TCF4: variants seen among roughly 807,000 people sequenced by gnomAD.
TCF4 encodes the protein transcription factor 4, also known as SL3-3 enhancer factor 2.
Under a neutral mutation model 82.1 loss-of-function variants are expected in TCF4, and 3 were observed. The observed-to-expected ratio is 0.04, with a 90% CI of 0.02 to 0.09. The LOEUF is 0.09. Ranked by LOEUF, TCF4 falls within the 10% of genes least tolerant of loss-of-function variation. The pLI is 1.00. For synonymous variants in TCF4, 276 were observed against 309.6 expected (o/e 0.89, Z 1.14); for missense variants, 518 against 852.7 (o/e 0.61, Z 4.89).
At chr18:55,245,897 C>T (rs964479711) in intron 15 of TCF4, among the ~76,000 whole-genome samples, 14 of 152,272 alleles carry the variant, frequency 9.2e-5, no homozygotes, top group African/African-American at 3.1e-4. Context: ...TTCTTTTACA[C>T]GTTTATGCAT....
chr18:55,357,508 T>C (rs2145050533), intron 6 of TCF4, among the ~76,000 whole-genome samples: 1 of 152,292 alleles, frequency 6.6e-6, no homozygotes, highest in African/African-American at 2.4e-5. Flanking sequence ...ATAGAACAAT[T>C]TGAATATGAC....
intron 6 of TCF4, among the ~76,000 whole-genome samples, chr18:55,391,954 T>C (rs1346370413): frequency 1.0e-5 from 1 of 96,864 alleles, no homozygotes; most frequent in Non-Finnish European, 2.0e-5. Context: ...AAAAAAAAAA[T>C]CTTTTTTTTT....
At chr18:55,563,411 T>C (rs1568408373) in intron 3 of TCF4, among the ~76,000 whole-genome samples, 1 of 151,948 alleles carries the variant, frequency 6.6e-6, no homozygotes, top group African/African-American at 2.4e-5. Flanking sequence ...CTCAGAAAAA[T>C]AAAAAATTAG....
intron 3 of TCF4, among the ~76,000 whole-genome samples, chr18:55,504,806 G>A (rs1482235776): frequency 1.3e-5 from 2 of 151,990 alleles, no homozygotes; most frequent in African/African-American, 2.4e-5. Context: ...AAAACCAATC[G>A]AAGTATTAAA....
At chr18:55,278,356 A>G (rs1251552054) in intron 9 of TCF4, among the ~76,000 whole-genome samples, 2 of 152,108 alleles carry the variant, frequency 1.3e-5, no homozygotes, top group Admixed American at 6.5e-5. Flanking sequence ...AAGAGTTAAC[A>G]TTTTGCACAC....
In TCF4 at chr18:55,260,542, GAGAA is replaced by G. The variant is rs547460094; in HGVS notation, c.991-519_991-516del. On this transcript the variant is annotated intron_variant, in intron 12 of 19. Transcript: ENST00000354452. ...AGCCAACTGAAGAGACAAAATCTTAGAGAAAGAAATCTCCACTTACATTTATTTA... is the reference window on the plus strand; with the variant it reads ...AGCCAACTGAAGAGACAAAATCTTAGAGAAATCTCCACTTACATTTATTTA... Among the ~76,000 whole-genome samples, 186 of 152,242 alleles carry G rather than the reference GAGAA, an allele frequency of 1.2e-3. No individual in the cohort carries two copies. The Middle Eastern group carries it at 0.024, about 19-fold the overall frequency.
chr18:55,349,554 A>G (rs1256258161), intron 8 of TCF4, among the ~76,000 whole-genome samples: 2 of 152,140 alleles, frequency 1.3e-5, no homozygotes, highest in Non-Finnish European at 2.9e-5. Context: ...GGAAGAATGA[A>G]AAAAAGGAGG....
At chr18:55,529,611 C>G (rs1459637896) in intron 3 of TCF4, among the ~76,000 whole-genome samples, 1 of 152,086 alleles carries the variant, frequency 6.6e-6, no homozygotes, top group Non-Finnish European at 1.5e-5. Context: ...GTTTTCAAGG[C>G]AATCTTACCT....
At chr18:55,417,882 G>A (rs565653167) in intron 5 of TCF4, among the ~76,000 whole-genome samples, 187 of 151,758 alleles carry the variant, frequency 1.2e-3, no homozygotes, top group African/African-American at 3.8e-3. Flanking sequence ...AAGAATTCTC[G>A]GGGGAGAACT....
At chr18:55,629,844 A>G (rs1213907508) in intron 2 of TCF4, among the ~76,000 whole-genome samples, 1 of 152,204 alleles carries the variant, frequency 6.6e-6, no homozygotes, top group Non-Finnish European at 1.5e-5. Flanking sequence ...TCTGGTTGCT[A>G]TAATCTTGGA....
chr18:55,310,476 C>G (rs913157654), intron 8 of TCF4, among the ~76,000 whole-genome samples: 8 of 152,180 alleles, frequency 5.3e-5, no homozygotes, highest in African/African-American at 1.9e-4. Context: ...TAGAAGTTGG[C>G]AGATGTAAGA....
chr18:55,559,626 A>T (rs1245041804), intron 3 of TCF4, among the ~76,000 whole-genome samples: 1 of 88,216 alleles, frequency 1.1e-5, no homozygotes, highest in African/African-American at 4.5e-5. Flanking sequence ...AAATTATCAT[A>T]GGGTTTTTTC....
At chr18:55,554,929 A>G (rs1358460147) in intron 3 of TCF4, among the ~76,000 whole-genome samples, 1 of 152,262 alleles carries the variant, frequency 6.6e-6, no homozygotes, top group Admixed American at 6.5e-5. Context: ...AACATGAGTG[A>G]CAGGGATCAA....
At chr18:55,617,808 TAAC>T in intron 2 of TCF4, among the ~76,000 whole-genome samples, 2 of 141,208 alleles carry the variant, frequency 1.4e-5, no homozygotes, top group African/African-American at 5.1e-5. Flanking sequence ...TCATTAATTC[TAAC>T]TGTGTGTGTG....
At chr18:55,438,342 T>C (rs56356133) in intron 5 of TCF4, among the ~76,000 whole-genome samples, 8,068 of 152,116 alleles carry the variant, frequency 0.053, 309 homozygotes, top group African/African-American at 0.1. Flanking sequence ...ATTATAGTTG[T>C]CTCGCACATG....
At chr18:55,319,321 A>G (rs1602486977) in intron 8 of TCF4, among the ~76,000 whole-genome samples, 2 of 152,348 alleles carry the variant, frequency 1.3e-5, no homozygotes, top group East Asian at 3.9e-4. Flanking sequence ...TAGAGCCAGC[A>G]GAATACACAC....
intron 5 of TCF4, among the ~76,000 whole-genome samples, chr18:55,443,330 G>C (rs1475776880): frequency 6.6e-6 from 1 of 152,166 alleles, no homozygotes; most frequent in Non-Finnish European, 1.5e-5. Flanking sequence ...TTTGCCATGA[G>C]TCTAATTTTC....
At chr18:55,349,990 C>T (rs949817971) in intron 8 of TCF4, among the ~76,000 whole-genome samples, 3 of 152,140 alleles carry the variant, frequency 2.0e-5, no homozygotes, top group Admixed American at 2.0e-4. Flanking sequence ...CCACAAATCT[C>T]CTTTCGCATG....
chr18:55,370,883 T>C (rs2088933434), intron 6 of TCF4, among the ~76,000 whole-genome samples: 1 of 152,180 alleles, frequency 6.6e-6, no homozygotes, highest in African/African-American at 2.4e-5. Context: ...GAAGTAGGTA[T>C]GAGTTAAACT....
Sources: gnomAD v4.1 joint callset for allele counts (sites outside exome capture counted in the v4.1 genomes callset) on GRCh38, gnomAD v4.1.1 for gene constraint, MANE v1.5 for transcripts, NCBI Gene and HGNC (gene_info 2026-07-23, HGNC 2026-07-21) for gene names.